Variants in HMGB1 observed in about 807,000 individuals in gnomAD.
HMGB1 encodes the protein high mobility group box 1.
For synonymous variants in HMGB1, 81 were observed against 84.0 expected (o/e 0.96, Z 0.19); for missense variants, 79 against 253.5 (o/e 0.31, Z 4.67).
intron 1 of HMGB1, among the ~76,000 whole-genome samples, chr13:30,531,509 CGTGTGTGT>C (rs376387192): frequency 0.033 from 4,439 of 135,624 alleles, 83 homozygotes; most frequent in African/African-American, 0.037. Context: ...GTAACATATA[CGTGTGTGT>C]GTGTGTGTGT....
chr13:30,521,858 T>C (rs182849372), intron 1 of HMGB1, among the ~76,000 whole-genome samples: 2 of 152,364 alleles, frequency 1.3e-5, no homozygotes, highest in East Asian at 3.9e-4. Flanking sequence ...TTTCAATTTC[T>C]CTACATACTT....
intron 1 of HMGB1, among the ~76,000 whole-genome samples, chr13:30,484,090 G>A (rs950937046): frequency 6.6e-6 from 1 of 152,170 alleles, no homozygotes; most frequent in African/African-American, 2.4e-5. Flanking sequence ...ACTCATGCTT[G>A]TCTTTCAGCT....
At chr13:30,539,187 G>A (rs1868744710) in intron 1 of HMGB1, among the ~76,000 whole-genome samples, 1 of 152,228 alleles carries the variant, frequency 6.6e-6, no homozygotes. Context: ...GTAAGCCACT[G>A]CGCCCAGCCA....
At chr13:30,608,673 T>C (rs544604037) in intron 1 of HMGB1, among the ~76,000 whole-genome samples, 241 of 152,352 alleles carry the variant, frequency 1.6e-3, no homozygotes, top group African/African-American at 5.6e-3. Context: ...ACAGTAAATG[T>C]AGTGGGACAA....
chr13:30,599,843 T>TG (rs1424882325), intron 1 of HMGB1, among the ~76,000 whole-genome samples: 1 of 152,104 alleles, frequency 6.6e-6, no homozygotes, highest in African/African-American at 2.4e-5. Context: ...ACCTATGAAT[T>TG]GGGGGTGGGG....
chr13:30,508,134 G>A (rs1450498395), intron 1 of HMGB1, among the ~76,000 whole-genome samples: 1 of 152,220 alleles, frequency 6.6e-6, no homozygotes, highest in Non-Finnish European at 1.5e-5. Flanking sequence ...TCCCCAGGCA[G>A]GTTCTAATTC....
rs939656965 is a variant in HMGB1, at chr13:30,459,802, A to G, written c.*1555T>C. 2 of 152,400 alleles carry G rather than the reference A, an allele frequency of 1.3e-5. No homozygotes were observed. Among genetic ancestry groups the G allele is most frequent in the African/African-American group, 4.8e-5 (2 of 41,456 alleles). 9.4% of individuals were successfully genotyped at this position (152,400 alleles called of 1,614,324 possible). A position where few individuals can be genotyped will look rare whatever the true frequency, so the allele number is the denominator to read the frequency against. ...GTATTATTAGAAACAAGATTTAAAA[A>G]TATGTAACAAAATCTTAAGTTCTTA... On this transcript the variant is annotated 3_prime_UTR_variant, in exon 5 of 5. Transcript: ENST00000341423.
chr13:30,553,624 C>T, intron 1 of HMGB1: 1 of 631,806 alleles, frequency 1.6e-6, no homozygotes, highest in Non-Finnish European at 2.9e-6. Flanking sequence ...GCTTAGGAGC[C>T]AACCTCACTC....
intron 1 of HMGB1, among the ~76,000 whole-genome samples, chr13:30,523,930 G>C (rs1029970694): frequency 2.6e-5 from 4 of 152,042 alleles, no homozygotes; most frequent in Non-Finnish European, 4.4e-5. Context: ...CTTTTGTAGA[G>C]AGGGGGTGTA....
At chr13:30,498,823 T>A (rs12019566) in intron 1 of HMGB1, among the ~76,000 whole-genome samples, 72,444 of 151,226 alleles carry the variant, frequency 0.48, 18,889 homozygotes, top group Non-Finnish European at 0.57. Flanking sequence ...AATTTCTGTA[T>A]TTTTAGTAGA....
intron 1 of HMGB1, among the ~76,000 whole-genome samples, chr13:30,518,551 TCA>T (rs1888151486): frequency 6.6e-6 from 1 of 152,132 alleles, no homozygotes; most frequent in Non-Finnish European, 1.5e-5. Context: ...TTCCTTAACC[TCA>T]GTTTCCTCTT....
At chr13:30,469,164 T>G (rs560495732), upstream of HMGB1, among the ~76,000 whole-genome samples, 179 of 152,254 alleles carry the variant, frequency 1.2e-3, 1 homozygote, top group South Asian at 2.1e-3. Flanking sequence ...GTGCTAAGAT[T>G]ACAGGCATGA....
intron 1 of HMGB1, among the ~76,000 whole-genome samples, chr13:30,560,701 G>A (rs1247504851): frequency 6.6e-6 from 1 of 152,156 alleles, no homozygotes; most frequent in Non-Finnish European, 1.5e-5. Flanking sequence ...CTAGGACAGA[G>A]AATAAAGAAG....
At chr13:30,461,814 TTAAAACCAGAATG>T (rs1886359384) in intron 4 of HMGB1, 1 of 576,288 alleles carries the variant, frequency 1.7e-6, no homozygotes, top group Admixed American at 3.5e-5. Flanking sequence ...CCTAACTCTA[TTAAAACCAGAATG>T]TAGAGACTTT....
chr13:30,457,046 A>G lies in HMGB1; in HGVS notation c.*4311T>C, dbSNP rs746077348. On this transcript the variant is annotated 3_prime_UTR_variant, in exon 5 of 5. Transcript: ENST00000341423. ...CACCATACTGTGGAATGTCACGTACATGACTGAATTATGTGACTAAAGAGA... is the reference window on the plus strand; with the variant it reads ...CACCATACTGTGGAATGTCACGTACGTGACTGAATTATGTGACTAAAGAGA... The G allele has an allele frequency of 6.6e-6, 1 of 152,242 alleles. No individual in the cohort carries two copies. Among genetic ancestry groups the G allele is most frequent in the Non-Finnish European group, 1.5e-5 (1 of 68,036 alleles). 9.4% of individuals were successfully genotyped at this position (152,242 alleles called of 1,614,324 possible).
intron 1 of HMGB1, among the ~76,000 whole-genome samples, chr13:30,615,506 T>C (rs1950552015): frequency 6.6e-6 from 1 of 152,198 alleles, no homozygotes; most frequent in African/African-American, 2.4e-5. Context: ...AGCTTCTCAA[T>C]AGTTCAGGTC....
At chr13:30,469,325 C>G (rs993757186), upstream of HMGB1, among the ~76,000 whole-genome samples, 1 of 152,232 alleles carries the variant, frequency 6.6e-6, no homozygotes, top group South Asian at 2.1e-4. Flanking sequence ...TCCATCCCCT[C>G]TAGGATAGGG....
At chr13:30,598,735 C>T (rs561488621) in intron 1 of HMGB1, among the ~76,000 whole-genome samples, 161 of 152,182 alleles carry the variant, frequency 1.1e-3, no homozygotes, top group Non-Finnish European at 1.7e-3. Context: ...AAGGATAAGA[C>T]GACTCTTTTA....
intron 1 of HMGB1, among the ~76,000 whole-genome samples, chr13:30,610,149 T>C (rs1303501396): frequency 6.6e-6 from 1 of 152,232 alleles, no homozygotes; most frequent in Admixed American, 6.5e-5. Context: ...ATAACACATA[T>C]GACATACAAA....
Sources: gnomAD v4.1 joint callset for allele counts (sites outside exome capture counted in the v4.1 genomes callset) on GRCh38, gnomAD v4.1.1 for gene constraint, MANE v1.5 for transcripts, NCBI Gene and HGNC (gene_info 2026-07-23, HGNC 2026-07-21) for gene names.